The following NPAS3 variants were observed in gnomAD, a reference collection of about 807,000 sequenced individuals.
The protein encoded by NPAS3 is neuronal PAS domain protein 3.
A neutral mutation model predicts 73.1 loss-of-function variants in NPAS3; 14 were observed. The ratio of observed to expected loss-of-function variants is 0.19; its 90% CI spans 0.13 to 0.30. The LOEUF (loss-of-function observed/expected upper bound fraction) is 0.30, where lower values mean the gene tolerates loss of function less well. NPAS3 is among the 10% of genes least tolerant of loss of function. NPAS3 has a pLI of 1.00. For synonymous variants in NPAS3, 620 were observed against 541.5 expected (o/e 1.14, Z -2.01); for missense variants, 1,096 against 1,250.0 (o/e 0.88, Z 1.86).
At chr14:33,284,555 T>A (rs777527593) in intron 3 of NPAS3, among the ~76,000 whole-genome samples, 8 of 152,120 alleles carry the variant, frequency 5.3e-5, no homozygotes, top group Non-Finnish European at 8.8e-5. Flanking sequence ...CCACATTATA[T>A]GCACTGTTTA....
intron 1 of NPAS3, among the ~76,000 whole-genome samples, chr14:32,976,008 A>G (rs879238877): frequency 2.6e-5 from 4 of 152,230 alleles, no homozygotes; most frequent in Middle Eastern, 3.4e-3. Flanking sequence ...AGCAAAGACA[A>G]TCAGCTCCTT....
chr14:32,975,890 T>TGA (rs1333847192), intron 1 of NPAS3, among the ~76,000 whole-genome samples: 11 of 123,264 alleles, frequency 8.9e-5, no homozygotes, highest in Non-Finnish European at 1.2e-4. Flanking sequence ...TGTGTGTGTG[T>TGA]GTGTGTGAGA....
chr14:33,673,512 C>T (rs1343168271), intron 5 of NPAS3, among the ~76,000 whole-genome samples: 1 of 152,224 alleles, frequency 6.6e-6, no homozygotes, highest in Non-Finnish European at 1.5e-5. Flanking sequence ...CAATAATATA[C>T]ATTTCTTCAT....
At chr14:33,240,149 G>A (rs1267464530) in intron 3 of NPAS3, among the ~76,000 whole-genome samples, 2 of 151,768 alleles carry the variant, frequency 1.3e-5, no homozygotes, top group East Asian at 3.8e-4. Context: ...TAAGAGAGAG[G>A]ATGATTTGAT....
intron 2 of NPAS3, among the ~76,000 whole-genome samples, chr14:33,143,619 T>G (rs2044138157): frequency 6.6e-6 from 1 of 152,138 alleles, no homozygotes. Flanking sequence ...TTTAGTGGCA[T>G]TAGTATACTC....
chr14:33,086,288 A>G (rs567618023), intron 2 of NPAS3, among the ~76,000 whole-genome samples: 2 of 152,204 alleles, frequency 1.3e-5, no homozygotes, highest in South Asian at 2.1e-4. Context: ...TGTTTTCCAT[A>G]TATTCTTGTT....
intron 2 of NPAS3, among the ~76,000 whole-genome samples, chr14:33,160,318 C>T (rs1331053664): frequency 6.6e-6 from 1 of 151,890 alleles, no homozygotes; most frequent in African/African-American, 2.4e-5. Context: ...TTTATTAACT[C>T]AGTTTTGAGA....
chr14:33,443,563 G>A (rs149111132), intron 4 of NPAS3, among the ~76,000 whole-genome samples: 60 of 152,286 alleles, frequency 3.9e-4, no homozygotes, highest in South Asian at 3.7e-3. Context: ...CTCCACACAC[G>A]CTAAGGAGCC....
intron 3 of NPAS3, among the ~76,000 whole-genome samples, chr14:33,249,844 A>T (rs2048516355): frequency 6.6e-6 from 1 of 151,994 alleles, no homozygotes; most frequent in Non-Finnish European, 1.5e-5. Flanking sequence ...AATGCTTACT[A>T]CACTGGGTAA....
intron 9 of NPAS3, among the ~76,000 whole-genome samples, chr14:33,779,883 C>T (rs1300741305): frequency 2.0e-5 from 3 of 152,226 alleles, no homozygotes; most frequent in Non-Finnish European, 4.4e-5. Flanking sequence ...AAAGTTGAAG[C>T]ATTTATACAG....
chr14:33,144,609 A>T (rs763920445), intron 2 of NPAS3, among the ~76,000 whole-genome samples: 2 of 152,158 alleles, frequency 1.3e-5, no homozygotes, highest in South Asian at 4.1e-4. Flanking sequence ...TGGCATGCTC[A>T]TGGCTCACTA....
At chr14:33,426,249 A>G (rs764347442) in intron 4 of NPAS3, among the ~76,000 whole-genome samples, 31 of 152,236 alleles carry the variant, frequency 2.0e-4, no homozygotes, top group Admixed American at 8.5e-4. Context: ...AAAAATGTGG[A>G]TGCAGAAGCA....
intron 5 of NPAS3, among the ~76,000 whole-genome samples, chr14:33,563,295 CT>C (rs1412094880): frequency 2.0e-5 from 3 of 152,014 alleles, no homozygotes; most frequent in Admixed American, 1.3e-4. Context: ...GATAGGGAAA[CT>C]TCTACTGAGC....
At chr14:33,605,352 A>C (rs7145517) in intron 5 of NPAS3, among the ~76,000 whole-genome samples, 1,699 of 151,018 alleles carry the variant, frequency 0.011, 31 homozygotes, top group African/African-American at 0.039. Flanking sequence ...ACTTCTAGCC[A>C]GTGCAATAAA....
intron 4 of NPAS3, among the ~76,000 whole-genome samples, chr14:33,378,925 C>T (rs2046421140): frequency 6.6e-6 from 1 of 152,170 alleles, no homozygotes; most frequent in Non-Finnish European, 1.5e-5. Flanking sequence ...TGTTGAGCAC[C>T]TCTAATCTGA....
chr14:32,987,771 C>A lies in NPAS3; in HGVS notation c.50+48405C>A, dbSNP rs144669237. ...TAATTTTATGAATTTACAAGACTTA[C>A]ATTAAATTATTGTATGTAAAAAATA... On this transcript the variant is annotated intron_variant, in intron 1 of 11. Transcript: ENST00000356141. 6.4e-4 allele frequency among the ~76,000 whole-genome samples: 98 copies of A among 152,282 alleles called. 1 individual carries two copies. The East Asian group carries it at 0.016, about 25-fold the overall frequency.
intron 3 of NPAS3, among the ~76,000 whole-genome samples, chr14:33,356,036 G>C (rs2045323944): frequency 6.6e-6 from 1 of 152,196 alleles, no homozygotes; most frequent in Non-Finnish European, 1.5e-5. Context: ...TGAATCTTTA[G>C]ATGAATAAGT....
chr14:33,762,136 C>A (rs1287366348), intron 7 of NPAS3, among the ~76,000 whole-genome samples: 4 of 152,198 alleles, frequency 2.6e-5, no homozygotes, highest in African/African-American at 9.6e-5. Flanking sequence ...ATTGATAATT[C>A]TAATTTCTTA....
chr14:33,259,855 ATCT>A (rs1002469960), intron 3 of NPAS3, among the ~76,000 whole-genome samples: 17 of 46,368 alleles, frequency 3.7e-4, no homozygotes, highest in African/African-American at 8.5e-4. Context: ...CAGCAGCAGC[ATCT>A]TTTTTTTTTT....
Sources: allele counts gnomAD v4.1 joint callset (sites outside exome capture counted in the v4.1 genomes callset), GRCh38; gene constraint gnomAD v4.1.1; transcripts MANE v1.5; gene names NCBI Gene and HGNC (gene_info 2026-07-23, HGNC 2026-07-21).